Variants in PHOX2B observed in about 807,000 individuals in gnomAD.
PHOX2B encodes paired mesoderm homeobox protein 2B.
Under a neutral mutation model 15.5 loss-of-function variants are expected in PHOX2B, and 1 was observed. The ratio of observed to expected loss-of-function variants is 0.06; its 90% CI spans 0.02 to 0.31. The LOEUF (loss-of-function observed/expected upper bound fraction) is 0.31, where lower values mean the gene tolerates loss of function less well. Ranked by LOEUF, PHOX2B falls within the 10% of genes least tolerant of loss-of-function variation. The probability of loss-of-function intolerance (pLI) is 1.00; values close to 1 mark genes in which losing one functional copy is unlikely to be tolerated. For synonymous variants in PHOX2B, 206 were observed against 190.5 expected (o/e 1.08, Z -0.67); for missense variants, 314 against 436.4 (o/e 0.72, Z 2.50).
Position 41,745,637 on chromosome 4 carries a change from G to T in PHOX2B, c.*170C>A. Reference sequence around the variant, plus strand: ...GGGGGTAGGAGTGGGGTTGAAATGAGGGCGACGCCGTTTTCCCTTTATTCT... The same window carrying T: ...GGGGGTAGGAGTGGGGTTGAAATGATGGCGACGCCGTTTTCCCTTTATTCT... On this transcript the variant is annotated 3_prime_UTR_variant, in exon 3 of 3. Transcript: ENST00000226382. The surrounding 1 kb of genome is among the most constrained non-coding windows in gnomAD (Gnocchi z 4.0). 1 of 790,054 alleles carries T rather than the reference G, an allele frequency of 1.3e-6. No homozygotes were observed. Among genetic ancestry groups the T allele is most frequent in the Non-Finnish European group, 1.9e-6 (1 of 528,612 alleles). The allele number at this position is 790,054 out of a possible 1,614,324, so 48.9% of individuals were successfully genotyped here.
intron 1 of PHOX2B, 62 bp downstream of exon 1, chr4:41,748,308 A>G: frequency 1.3e-6 from 2 of 1,586,006 alleles, no homozygotes; most frequent in Non-Finnish European, 1.7e-6. Context: ...AAATGCAATC[A>G]AGGCTTCCTA....
Position 41,745,984 on chromosome 4 carries a change from T to TGCCGCTGACGCCGCC in PHOX2B, c.767_768insGGCGGCGTCAGCGGC (p.Ala258_Ala259insSerAlaAlaAlaAla), listed in dbSNP as rs2153112761. On this transcript the variant is annotated inframe_insertion, in exon 3 of 3. Coordinates refer to ENST00000226382, the MANE Select transcript of PHOX2B (RefSeq NM_003924.4). This position sits in a 1 kb window ranked among gnomAD's most constrained non-coding sequence, Gnocchi z 4.0. ...CAGCCAGGCCTCCAGCTGCCGCCGC[T>TGCCGCTGACGCCGCC]GCCGCTGCCGCCGCCGCCGCTGCCG... is the stretch of plus-strand genomic sequence containing the variant. The TGCCGCTGACGCCGCC allele has an allele frequency of 8.0e-7, 1 of 1,255,484 alleles. No homozygotes were observed. Among genetic ancestry groups the TGCCGCTGACGCCGCC allele is most frequent in the Non-Finnish European group, 1.0e-6 (1 of 1,002,810 alleles). The allele number at this position is 1,255,484 out of a possible 1,614,324, so 77.8% of individuals were successfully genotyped here.
chr4:41,747,344 C>T lies in PHOX2B; in HGVS notation c.429+5G>A. 1 of 1,603,266 alleles carries T rather than the reference C, an allele frequency of 6.2e-7. No individual in the cohort carries two copies. Reference sequence around the variant, plus strand: ...GGAGCGGGGTCGGTTTCCAGGCGCGCGTACCTGGACTCGCGCCTCTGTGAG... The same window carrying T: ...GGAGCGGGGTCGGTTTCCAGGCGCGTGTACCTGGACTCGCGCCTCTGTGAG... On this transcript the variant is annotated splice_donor_5th_base_variant and intron_variant, in intron 2 of 2. Coordinates refer to ENST00000226382, the MANE Select transcript of PHOX2B (RefSeq NM_003924.4).
rs749346904 is a variant in PHOX2B, at chr4:41,745,779, G to T, written c.*28C>A. 1.6e-5 allele frequency: 25 copies of T among 1,588,462 alleles called. No individual in the cohort carries two copies. The highest frequency in any genetic ancestry group is 2.0e-5 in the Non-Finnish European group (23 of 1,168,886). On this transcript the variant is annotated 3_prime_UTR_variant, in exon 3 of 3. Coordinates refer to ENST00000226382, the MANE Select transcript of PHOX2B (RefSeq NM_003924.4). The surrounding 1 kb of genome is among the most constrained non-coding windows in gnomAD (Gnocchi z 4.0). ...GGGCCCTGGCTCGCCCGCTGTCGCC[G>T]CCGCCGCCGCCGCCGCAGGATTCCA...
rs2153112918 is a variant in PHOX2B, at chr4:41,747,338, GGC to G, written c.429+9_429+10del. The G allele has an allele frequency of 6.2e-7, 1 of 1,602,894 alleles. No individual in the cohort carries two copies. Among genetic ancestry groups the G allele is most frequent in the South Asian group, 1.1e-5 (1 of 91,034 alleles). On this transcript the variant is annotated intron_variant, in intron 2 of 2. Coordinates refer to ENST00000226382, the MANE Select transcript of PHOX2B (RefSeq NM_003924.4). ...TGCGGCGGAGCGGGGTCGGTTTCCA[GGC>G]GCGCGTACCTGGACTCGCGCCTCTG...
At chr4:41,746,720 TC>T (rs1553897908) in intron 2 of PHOX2B, among the ~76,000 whole-genome samples, 1 of 118,798 alleles carries the variant, frequency 8.4e-6, no homozygotes, top group Non-Finnish European at 1.6e-5. Flanking sequence ...GGAAAAGGGA[TC>T]CTCTCTGGGT....
At chr4:41,747,059 C>T (rs1652501463) in intron 2 of PHOX2B, among the ~76,000 whole-genome samples, 1 of 152,156 alleles carries the variant, frequency 6.6e-6, no homozygotes, top group Non-Finnish European at 1.5e-5. Flanking sequence ...CACCTTCCAC[C>T]ACAGGCACTT....
chr4:41,745,991 GC>G lies in PHOX2B; in HGVS notation c.760del (p.Ala254GlnfsTer55), dbSNP rs1352272716. 8.3e-7 allele frequency: 1 copy of G among 1,210,222 alleles called. No individual in the cohort carries two copies. The allele number at this position is 1,210,222 out of a possible 1,614,324, so 75.0% of individuals were successfully genotyped here. A position where few individuals can be genotyped will look rare whatever the true frequency, so the allele number is the denominator to read the frequency against. ...GCCTCCAGCTGCCGCCGCTGCCGCTGCCGCCGCCGCCGCTGCCGCGGCCGCC... is the reference window on the plus strand; with the variant it reads ...GCCTCCAGCTGCCGCCGCTGCCGCTGCGCCGCCGCCGCTGCCGCGGCCGCC... The part of the protein sequence containing the change: ...AAAAAAAAAA[A>X]AAAAAAGGLA... On this transcript the variant is annotated frameshift_variant, in exon 3 of 3. Transcript: ENST00000226382. LOFTEE classifies it high-confidence loss of function. The surrounding 1 kb of genome is among the most constrained non-coding windows in gnomAD (Gnocchi z 4.0).
Position 41,744,722 on chromosome 4 carries a change from C to A in PHOX2B, c.*1085G>T. 1 of 233,502 alleles carries A rather than the reference C, an allele frequency of 4.3e-6. No homozygotes were observed. The allele number at this position is 233,502 out of a possible 1,614,324, so 14.5% of individuals were successfully genotyped here. ...CGTGTGTGTGTGCCTTTTCCTTGCTCGGTAGATTTCTCTGCAGCCAGTTAC... is the reference window on the plus strand; with the variant it reads ...CGTGTGTGTGTGCCTTTTCCTTGCTAGGTAGATTTCTCTGCAGCCAGTTAC... On this transcript the variant is annotated 3_prime_UTR_variant, in exon 3 of 3. Coordinates refer to ENST00000226382, the MANE Select transcript of PHOX2B (RefSeq NM_003924.4).
rs587776626 is a variant in PHOX2B at position 41,746,133 on chromosome 4, T to TG, written c.618dup (p.Ser207GlnfsTer153). The TG allele has an allele frequency of 6.2e-7, 1 of 1,601,452 alleles. No homozygotes were observed. The highest frequency in any genetic ancestry group is 1.3e-5 in the African/African-American group (1 of 74,250). Reference sequence around the variant, plus strand: ...CCGCCGCCTCCATTCGCCCCGCAGCTGGGGGTGGGGTTGGGATTGGGACCT... The same window carrying TG: ...CCGCCGCCTCCATTCGCCCCGCAGCTGGGGGGTGGGGTTGGGATTGGGACCT... On this transcript the variant is annotated frameshift_variant, in exon 3 of 3. Transcript: ENST00000226382. LOFTEE classifies it low-confidence loss of function (END_TRUNC).
intron 1 of PHOX2B, among the ~76,000 whole-genome samples, chr4:41,747,924 A>C (rs1040100476): frequency 6.6e-6 from 1 of 152,074 alleles, no homozygotes; most frequent in African/African-American, 2.4e-5. Flanking sequence ...CAATTCTCAG[A>C]AAGTTGACCC....
In PHOX2B at chr4:41,748,428, C is replaced by T; in HGVS notation, c.183G>A (p.Thr61=). The T allele has an allele frequency of 6.2e-7, 1 of 1,614,058 alleles. No homozygotes were observed. Among genetic ancestry groups the T allele is most frequent in the Non-Finnish European group, 8.5e-7 (1 of 1,179,984 alleles). The change falls in exon 1 of 3, where the codon ACG becomes ACA. Residue 61 remains threonine (T), a synonymous_variant. Transcript: ENST00000226382. ...GGGTGCCCAGGCTGCAGGATCCCGGCGTGAGGGAAGGGCAGCCGGACGTGG... is the reference window on the plus strand; with the variant it reads ...GGGTGCCCAGGCTGCAGGATCCCGGTGTGAGGGAAGGGCAGCCGGACGTGG... ...FGATSGCPSL[T]PGSCSLGTLR...
Position 41,745,575 on chromosome 4 carries a change from C to A in PHOX2B, c.*232G>T. The A allele has an allele frequency of 3.9e-6, 2 of 514,660 alleles. No individual in the cohort carries two copies. The highest frequency in any genetic ancestry group is 3.3e-6 in the Non-Finnish European group (1 of 299,872). The allele number at this position is 514,660 out of a possible 1,614,324, so 31.9% of individuals were successfully genotyped here. A position where few individuals can be genotyped will look rare whatever the true frequency, so the allele number is the denominator to read the frequency against. ...GCGAGGCCCCAGGCAGGTGCGAAGC[C>A]AGGGAAGTTTGTTTGTTTTGTTTGG... On this transcript the variant is annotated 3_prime_UTR_variant, in exon 3 of 3. Transcript: ENST00000226382. This position sits in a 1 kb window ranked among gnomAD's most constrained non-coding sequence, Gnocchi z 4.0.
rs1178568164 is a variant in PHOX2B, at chr4:41,744,255, C to T, written c.*1552G>A. Reference sequence around the variant, plus strand: ...TGACAATTATGTTCACAAACATAGTCCAACAGGAAAAAAAAAGAAATCAGA... The same window carrying T: ...TGACAATTATGTTCACAAACATAGTTCAACAGGAAAAAAAAAGAAATCAGA... On this transcript the variant is annotated 3_prime_UTR_variant, in exon 3 of 3. Transcript: ENST00000226382. 4.5e-6 allele frequency: 1 copy of T among 221,170 alleles called. No homozygotes were observed. The highest frequency in any genetic ancestry group is 9.1e-6 in the Non-Finnish European group (1 of 110,420). The allele number at this position is 221,170 out of a possible 1,614,324, so 13.7% of individuals were successfully genotyped here.
Position 41,744,350 on chromosome 4 carries a change from G to C in PHOX2B, c.*1457C>G, listed in dbSNP as rs1213502737. The C allele has an allele frequency of 1.3e-5, 3 of 229,018 alleles. No homozygotes were observed. Among genetic ancestry groups the C allele is most frequent in the Admixed American group, 5.7e-5 (1 of 17,630 alleles). The allele number at this position is 229,018 out of a possible 1,614,324, so 14.2% of individuals were successfully genotyped here. On this transcript the variant is annotated 3_prime_UTR_variant, in exon 3 of 3. Coordinates refer to ENST00000226382, the MANE Select transcript of PHOX2B (RefSeq NM_003924.4). ...GTGGCCTCTCTAAACACAAAAGATT[G>C]AACCCGTGAGAACCTTATTACACCA...
At position 41,745,549 on chromosome 4, in the gene PHOX2B, T is replaced by C; in HGVS notation, c.*258A>G. ...TCAGCAGGCGGAGCCCTGGCCCCGCTGCGAGGCCCCAGGCAGGTGCGAAGC... is the reference window on the plus strand; with the variant it reads ...TCAGCAGGCGGAGCCCTGGCCCCGCCGCGAGGCCCCAGGCAGGTGCGAAGC... On this transcript the variant is annotated 3_prime_UTR_variant, in exon 3 of 3. Coordinates refer to ENST00000226382, the MANE Select transcript of PHOX2B (RefSeq NM_003924.4). The surrounding 1 kb of genome is among the most constrained non-coding windows in gnomAD (Gnocchi z 4.0). 4.5e-6 allele frequency: 2 copies of C among 442,768 alleles called. No individual in the cohort carries two copies. The highest frequency in any genetic ancestry group is 8.1e-6 in the Non-Finnish European group (2 of 247,948). The allele number at this position is 442,768 out of a possible 1,614,324, so 27.4% of individuals were successfully genotyped here.
In PHOX2B at chr4:41,747,536, A is replaced by G; in HGVS notation, c.242T>C (p.Val81Ala). Residue 81 changes from valine to alanine, a missense_variant and splice_region_variant, in exon 2 of 3, where the codon GTT becomes GCT. This residue lies in a region of PHOX2B where 102 missense variants were observed against 155.1 expected (regional missense o/e 0.66). Coordinates refer to ENST00000226382, the MANE Select transcript of PHOX2B (RefSeq NM_003924.4). ...GTGGTCCGTGAAGAGTTTGTAAGGAACTAGAGTATGACAGAGGAGACAGAA... is the reference window on the plus strand; with the variant it reads ...GTGGTCCGTGAAGAGTTTGTAAGGAGCTAGAGTATGACAGAGGAGACAGAA... ...RDHQSSPYAA[V>A]PYKLFTDHGG... The G allele has an allele frequency of 6.2e-7, 1 of 1,605,802 alleles. No homozygotes were observed. The highest frequency in any genetic ancestry group is 8.5e-7 in the Non-Finnish European group (1 of 1,179,548).
At position 41,748,381 on chromosome 4, in the gene PHOX2B, G is replaced by A; in HGVS notation, c.230C>T (p.Pro77Leu). The stretch of plus-strand genomic sequence containing the variant: ...CTGAAGGTCCTTACCTGCGGCGTAC[G>A]GACTGCTCTGGTGGTCCCTGAGGGT... ...LGTLRDHQSS[P>L]YAAVPYKLFT... Residue 77 changes from proline (P) to leucine (L), a missense_variant, in exon 1 of 3, where the codon CCG becomes CTG. By Grantham distance (98) the Pro-to-Leu change is moderately conservative. This residue lies in a region of PHOX2B where 102 missense variants were observed against 155.1 expected (regional missense o/e 0.66). Coordinates refer to ENST00000226382, the MANE Select transcript of PHOX2B (RefSeq NM_003924.4). 6.2e-7 allele frequency: 1 copy of A among 1,614,158 alleles called. No homozygotes were observed. The highest frequency in any genetic ancestry group is 8.5e-7 in the Non-Finnish European group (1 of 1,180,018).
In PHOX2B at chr4:41,744,963, C is replaced by G. The variant is rs899725343; in HGVS notation, c.*844G>C. 1 of 233,148 alleles carries G rather than the reference C, an allele frequency of 4.3e-6. No individual in the cohort carries two copies. Among genetic ancestry groups the G allele is most frequent in the Non-Finnish European group, 8.5e-6 (1 of 118,078 alleles). 14.4% of individuals were successfully genotyped at this position (233,148 alleles called of 1,614,324 possible). Reference sequence around the variant, plus strand: ...TGCAAAGATTCGGGGTTGGGAGTTGCAACTGTGTGGGGTTCCGATGCGCTA... The same window carrying G: ...TGCAAAGATTCGGGGTTGGGAGTTGGAACTGTGTGGGGTTCCGATGCGCTA... On this transcript the variant is annotated 3_prime_UTR_variant, in exon 3 of 3. Coordinates refer to ENST00000226382, the MANE Select transcript of PHOX2B (RefSeq NM_003924.4).
Sources: gnomAD v4.1 joint callset for allele counts (sites outside exome capture counted in the v4.1 genomes callset) on GRCh38, gnomAD v4.1.1 for gene constraint, gnomAD v4.1.1 regional missense constraint, Gnocchi (gnomAD v3.1) non-coding constraint, MANE v1.5 for transcripts, NCBI Gene and HGNC (gene_info 2026-07-23, HGNC 2026-07-21) for gene names.